Variants in TTC9 observed in about 807,000 individuals in gnomAD.
TTC9 encodes tetratricopeptide repeat protein 9A.
Under a neutral mutation model 22.9 loss-of-function variants are expected in TTC9, and 13 were observed. That is an observed-to-expected ratio of 0.57 (90% confidence interval 0.37 to 0.90). TTC9 has a LOEUF of 0.90. TTC9 is among the 40% of genes least tolerant of loss of function. The pLI is 0.01. For missense variants in TTC9, 280 were observed against 291.8 expected, an observed-to-expected ratio of 0.96 and a Z score of 0.29; for synonymous variants, 148 against 133.2, an observed-to-expected ratio of 1.11 and a Z score of -0.77.
At position 70,671,071 on chromosome 14, in the gene TTC9, C is replaced by T. The variant is rs1477471012; in HGVS notation, c.590-5C>T. 1 of 1,613,254 alleles carries T rather than the reference C, an allele frequency of 6.2e-7. No homozygotes were observed. The highest frequency in any genetic ancestry group is 8.5e-7 in the Non-Finnish European group (1 of 1,179,428). On this transcript the variant is annotated splice_polypyrimidine_tract_variant and splice_region_variant and intron_variant, in intron 2 of 2. Coordinates refer to ENST00000256367, the MANE Select transcript of TTC9 (RefSeq NM_015351.2). ...GTTCCCTAAGGTTTATTTCTCTCCTCACAGACACCAACGTGATTCGGTATA... is the reference window on the plus strand; with the variant it reads ...GTTCCCTAAGGTTTATTTCTCTCCTTACAGACACCAACGTGATTCGGTATA...
At chr14:70,659,096 C>T (rs1212482986) in intron 1 of TTC9, among the ~76,000 whole-genome samples, 3 of 149,134 alleles carry the variant, frequency 2.0e-5, no homozygotes, top group East Asian at 4.2e-4. Context: ...GGAACCTACA[C>T]ACGATAAAAC....
intron 2 of TTC9, among the ~76,000 whole-genome samples, chr14:70,669,822 G>A (rs1333214781): frequency 2.0e-5 from 3 of 152,056 alleles, no homozygotes; most frequent in South Asian, 2.1e-4. Context: ...TGGAGGATAC[G>A]CCTGGCATTT....
Position 70,662,206 on chromosome 14 carries a change from A to T in TTC9, c.407-5358A>T, listed in dbSNP as rs115327804. On this transcript the variant is annotated intron_variant, in intron 1 of 2. Transcript: ENST00000256367. ...TCCACCCTGTACCTCTTCTGCTGCC[A>T]AGTGACTACATCTTTGAATCCAAGT... is the stretch of plus-strand genomic sequence containing the variant. Among the ~76,000 whole-genome samples the T allele has an allele frequency of 5.1e-3, 776 of 152,248 alleles. 14 individuals carry two copies. The highest frequency in any genetic ancestry group is 0.017 in the African/African-American group (720 of 41,526).
At chr14:70,651,125 C>T (rs1020908003) in intron 1 of TTC9, among the ~76,000 whole-genome samples, 5 of 152,166 alleles carry the variant, frequency 3.3e-5, no homozygotes, top group African/African-American at 9.7e-5. Flanking sequence ...GGATTACCAG[C>T]GTGCGCCACC....
At chr14:70,655,747 C>G (rs912646312) in intron 1 of TTC9, among the ~76,000 whole-genome samples, 1 of 152,188 alleles carries the variant, frequency 6.6e-6, no homozygotes, top group African/African-American at 2.4e-5. Flanking sequence ...CACAGCACCA[C>G]TACACCCAGA....
Position 70,642,062 on chromosome 14 carries a change from GA to G in TTC9, c.-66del. On this transcript the variant is annotated 5_prime_UTR_variant, in exon 1 of 3. Coordinates refer to ENST00000256367, the MANE Select transcript of TTC9 (RefSeq NM_015351.2). The stretch of plus-strand genomic sequence containing the variant: ...CGGCGCCCGCGGCTTTTAAACCCGG[GA>G]AGGCGCGGCGGCGGCGGCGGCGGCG... The G allele has an allele frequency of 1.0e-6, 1 of 1,001,498 alleles. No individual in the cohort carries two copies. Among genetic ancestry groups the G allele is most frequent in the Non-Finnish European group, 1.2e-6 (1 of 838,634 alleles). The allele number at this position is 1,001,498 out of a possible 1,614,324, so 62.0% of individuals were successfully genotyped here.
chr14:70,642,063 A>T lies in TTC9; in HGVS notation c.-67A>T. On this transcript the variant is annotated 5_prime_UTR_variant, in exon 1 of 3. Coordinates refer to ENST00000256367, the MANE Select transcript of TTC9 (RefSeq NM_015351.2). Reference sequence around the variant, plus strand: ...GGCGCCCGCGGCTTTTAAACCCGGGAAGGCGCGGCGGCGGCGGCGGCGGCG... The same window carrying T: ...GGCGCCCGCGGCTTTTAAACCCGGGTAGGCGCGGCGGCGGCGGCGGCGGCG... 1.0e-6 allele frequency: 1 copy of T among 979,312 alleles called. No individual in the cohort carries two copies. The highest frequency in any genetic ancestry group is 1.2e-6 in the Non-Finnish European group (1 of 821,624). 60.7% of individuals were successfully genotyped at this position (979,312 alleles called of 1,614,324 possible).
At chr14:70,655,236 A>C (rs1198308107) in intron 1 of TTC9, among the ~76,000 whole-genome samples, 1 of 152,178 alleles carries the variant, frequency 6.6e-6, no homozygotes, top group Non-Finnish European at 1.5e-5. Flanking sequence ...TCTACTAAAA[A>C]TACAAAAATT....
chr14:70,659,119 A>AACACAC (rs201172906), intron 1 of TTC9, among the ~76,000 whole-genome samples: 101 of 134,704 alleles, frequency 7.5e-4, no homozygotes, highest in African/African-American at 2.6e-3. Flanking sequence ...TATATAACTA[A>AACACAC]ACACACACAC....
At chr14:70,648,721 C>T (rs947132098) in intron 1 of TTC9, among the ~76,000 whole-genome samples, 5 of 152,198 alleles carry the variant, frequency 3.3e-5, no homozygotes, top group Admixed American at 1.3e-4. Context: ...ATTTCCTAAG[C>T]CCCTTTGGGA....
In TTC9 at chr14:70,651,916, G is replaced by A. The variant is rs371779260; in HGVS notation, c.406+9381G>A. Among the ~76,000 whole-genome samples, 124 of 151,788 alleles carry A rather than the reference G, an allele frequency of 8.2e-4. 1 individual carries two copies. Among genetic ancestry groups the A allele is most frequent in the East Asian group, 1.5e-3 (8 of 5,188 alleles). ...ATTCATTGGATTTTACTGGACACTC[G>A]CTATGTCTCTCCACAGCCCAAATCT... On this transcript the variant is annotated intron_variant, in intron 1 of 2. Transcript: ENST00000256367.
Position 70,642,544 on chromosome 14 carries a change from C to A in TTC9, c.406+9C>A, listed in dbSNP as rs1249056805. Reference sequence around the variant, plus strand: ...TTACAACAGCCTGGCAGGTGAGCCGCGCCGCGCCCCCCGCGCCGCGGTCCC... The same window carrying A: ...TTACAACAGCCTGGCAGGTGAGCCGAGCCGCGCCCCCCGCGCCGCGGTCCC... On this transcript the variant is annotated intron_variant, in intron 1 of 2. Transcript: ENST00000256367. 1 of 1,532,610 alleles carries A rather than the reference C, an allele frequency of 6.5e-7. No individual in the cohort carries two copies. The highest frequency in any genetic ancestry group is 1.4e-5 in the African/African-American group (1 of 71,048). 94.9% of individuals were successfully genotyped at this position (1,532,610 alleles called of 1,614,324 possible). A position where few individuals can be genotyped will look rare whatever the true frequency, so the allele number is the denominator to read the frequency against.
Position 70,646,533 on chromosome 14 carries a change from G to A in TTC9, c.406+3998G>A, listed in dbSNP as rs561802953. ...GATACAACACACAATAACTTTGTTG[G>A]TATTTTCAAATGATGTTCAAGGCTC... On this transcript the variant is annotated intron_variant, in intron 1 of 2. Coordinates refer to ENST00000256367, the MANE Select transcript of TTC9 (RefSeq NM_015351.2). 2.6e-5 allele frequency among the ~76,000 whole-genome samples: 4 copies of A among 152,306 alleles called. 1 individual carries two copies. The highest frequency in any genetic ancestry group is 9.6e-5 in the African/African-American group (4 of 41,570).
intron 1 of TTC9, among the ~76,000 whole-genome samples, chr14:70,647,361 A>G (rs1038790622): frequency 2.0e-5 from 3 of 152,188 alleles, no homozygotes; most frequent in African/African-American, 4.8e-5. Context: ...ATGAGCCAGG[A>G]AAGGAAAAGG....
At chr14:70,666,263 G>A (rs1340312982) in intron 1 of TTC9, among the ~76,000 whole-genome samples, 1 of 152,162 alleles carries the variant, frequency 6.6e-6, no homozygotes, top group Non-Finnish European at 1.5e-5. Flanking sequence ...AAAGCTCAAA[G>A]GGACATGGTT....
At chr14:70,648,252 T>C (rs575666649) in intron 1 of TTC9, among the ~76,000 whole-genome samples, 1 of 152,122 alleles carries the variant, frequency 6.6e-6, no homozygotes, top group Non-Finnish European at 1.5e-5. Flanking sequence ...ATCTTAAGGG[T>C]CAAGTAAATG....
rs1327282462 is a variant in TTC9, at chr14:70,658,141, CA to C, written c.407-9422del. Among the ~76,000 whole-genome samples the C allele has an allele frequency of 2.6e-5, 4 of 152,318 alleles. No homozygotes were observed. The South Asian group carries it at 8.3e-4, about 32-fold the overall frequency. On this transcript the variant is annotated intron_variant, in intron 1 of 2. Transcript: ENST00000256367. ...AATATGGGATTTGGGGTTAAGTAAACACTAGCTCTTTCCCCATAAGAGCTAA... is the reference window on the plus strand; with the variant it reads ...AATATGGGATTTGGGGTTAAGTAAACCTAGCTCTTTCCCCATAAGAGCTAA...
rs751838302 is a variant in TTC9 at position 70,642,461 on chromosome 14, A to C, written c.332A>C (p.Lys111Thr). The change falls in exon 1 of 3, where the codon AAG becomes ACG. Residue 111 changes from lysine (K) to threonine (T), a missense_variant. Lys to Thr is a moderately conservative substitution (Grantham distance 78). Transcript: ENST00000256367. ...CCGGCCTCCCCGGCTGGGGCCCTGA[A>C]GCCCGGCCGCCTCTCGGAGGAGCAG... is the stretch of plus-strand genomic sequence containing the variant. ...SRPASPAGAL[K>T]PGRLSEEQSK... 5 of 1,553,048 alleles carry C rather than the reference A, an allele frequency of 3.2e-6. No individual in the cohort carries two copies. The South Asian group carries it at 3.6e-5, about 11-fold the overall frequency.
chr14:70,642,792 C>T (rs77768473), intron 1 of TTC9, among the ~76,000 whole-genome samples: 2,020 of 152,348 alleles, frequency 0.013, 41 homozygotes, highest in African/African-American at 0.046. Context: ...CCCAGCTGGC[C>T]TGGCTATGGC....
Sources: allele counts gnomAD v4.1 joint callset (sites outside exome capture counted in the v4.1 genomes callset), GRCh38; gene constraint gnomAD v4.1.1; transcripts MANE v1.5; gene names NCBI Gene and HGNC (gene_info 2026-07-23, HGNC 2026-07-21).